Variants in CSAD observed in about 807,000 individuals in gnomAD.
CSAD encodes cysteine sulfinic acid decarboxylase.
CSAD carries 47 observed loss-of-function variants against 61.5 expected under a neutral mutation model. The ratio of observed to expected loss-of-function variants is 0.76; its 90% CI spans 0.60 to 0.97. The LOEUF (loss-of-function observed/expected upper bound fraction) is 0.97, where lower values mean the gene tolerates loss of function less well. CSAD is among the 50% of genes least tolerant of loss of function. CSAD has a pLI of 0.00. For missense variants in CSAD, 611 were observed against 643.6 expected (o/e 0.95, Z 0.55); for synonymous variants, 245 against 252.7 (o/e 0.97, Z 0.29).
intron 16 of CSAD, among the ~76,000 whole-genome samples, chr12:53,159,216 A>G (rs1032137639): frequency 1.3e-5 from 2 of 152,094 alleles, no homozygotes; most frequent in African/African-American, 4.8e-5. Context: ...GTACCACTCT[A>G]TCTTTAGGGA....
intron 2 of CSAD, among the ~76,000 whole-genome samples, chr12:53,177,669 G>C (rs924695716): frequency 6.6e-6 from 1 of 151,776 alleles, no homozygotes. Context: ...ACAGAGTTTC[G>C]CTCTTGTTGC....
At position 53,170,452 on chromosome 12, in the gene CSAD, G is replaced by A. The variant is rs1048218224; in HGVS notation, c.618C>T (p.Asp206=). The A allele has an allele frequency of 5.6e-6, 9 of 1,614,196 alleles. No individual in the cohort carries two copies. The African/African-American group carries it at 9.3e-5, about 17-fold the overall frequency. The change falls in exon 9 of 17, where the codon GAC becomes GAT. Residue 206 remains aspartate (D), a synonymous_variant. Transcript: ENST00000444623. ...CATCAGCCTTGACCACTCGGACACT[G>A]TCGGTGCCAAGTCCCAGAAACGCAG... ...KGAAFLGLGT[D]SVRVVKADER...
chr12:53,178,964 C>T (rs549443289), intron 2 of CSAD, 138 bp downstream of exon 2: 1 of 152,326 alleles, frequency 6.6e-6, no homozygotes, highest in Non-Finnish European at 1.5e-5. Flanking sequence ...AGTGATTCTC[C>T]TGACTCAGCC....
intron 1 of CSAD, chr12:53,180,072 G>A: frequency 2.9e-6 from 4 of 1,398,262 alleles, no homozygotes; most frequent in Non-Finnish European, 1.9e-6. Flanking sequence ...GATTCGCAGA[G>A]GAGGGCTGGG....
At chr12:53,164,886 C>T (rs1939713243) in intron 10 of CSAD, 1 of 152,078 alleles carries the variant, frequency 6.6e-6, no homozygotes, top group South Asian at 2.1e-4. Context: ...AAGGATCTGA[C>T]TAGACTTTTT....
rs182687476 is a variant in CSAD, at chr12:53,158,371, A to G, written c.*140T>C. ...GGCTGGTCTCGAACTCCTGACCTCA[A>G]GTGATCCACCCGCCTCGGCCTCCCA... On this transcript the variant is annotated 3_prime_UTR_variant, in exon 17 of 17. Coordinates refer to ENST00000444623, the MANE Select transcript of CSAD (RefSeq NM_001244705.2). 5.5e-4 allele frequency: 420 copies of G among 763,914 alleles called. 1 individual carries two copies. The African/African-American group carries it at 6.6e-3, about 12-fold the overall frequency. The allele number at this position is 763,914 out of a possible 1,614,324, so 47.3% of individuals were successfully genotyped here. A position where few individuals can be genotyped will look rare whatever the true frequency, so the allele number is the denominator to read the frequency against.
At chr12:53,178,190 C>G (rs1022189589) in intron 2 of CSAD, among the ~76,000 whole-genome samples, 1 of 152,026 alleles carries the variant, frequency 6.6e-6, no homozygotes. Flanking sequence ...TTTACATATC[C>G]GGCCAGGCAT....
rs540242887 is a variant in CSAD, at chr12:53,158,297, G to A, written c.*214C>T. The A allele has an allele frequency of 7.7e-6, 3 of 391,260 alleles. No individual in the cohort carries two copies. The highest frequency in any genetic ancestry group is 4.2e-5 in the Admixed American group (1 of 24,044). The allele number at this position is 391,260 out of a possible 1,614,324, so 24.2% of individuals were successfully genotyped here. A position where few individuals can be genotyped will look rare whatever the true frequency, so the allele number is the denominator to read the frequency against. On this transcript the variant is annotated 3_prime_UTR_variant, in exon 17 of 17. Coordinates refer to ENST00000444623, the MANE Select transcript of CSAD (RefSeq NM_001244705.2). The stretch of plus-strand genomic sequence containing the variant: ...TTTACAGGCACAGGCCACCATGCTC[G>A]GCTAATTTTTGTATTTTTAGTAGAG...
Position 53,173,355 on chromosome 12 carries a change from A to T in CSAD, c.116T>A (p.Val39Asp). 1 of 1,614,152 alleles carries T rather than the reference A, an allele frequency of 6.2e-7. No homozygotes were observed. The highest frequency in any genetic ancestry group is 8.5e-7 in the Non-Finnish European group (1 of 1,179,996). The change falls in exon 4 of 17, where the codon GTC becomes GAC. Residue 39 changes from valine (V) to aspartate (D), a missense_variant. Coordinates refer to ENST00000444623, the MANE Select transcript of CSAD (RefSeq NM_001244705.2). ...GAAGAAAGGACTCACCTTCTGGGAG[A>T]CACTGGTTCCTTTCTGAATGGCCTC... ...VDEAIQKGTS[V>D]SQKVCEWKEP...
intron 4 of CSAD, 131 bp downstream of exon 4, chr12:53,173,214 A>C: frequency 1.1e-6 from 1 of 874,800 alleles, no homozygotes; most frequent in East Asian, 2.7e-5. Flanking sequence ...TCAAGAAAGA[A>C]AGGAAGAAAG....
chr12:53,172,448 G>A lies in CSAD; in HGVS notation c.254-12C>T, dbSNP rs1010857610. The A allele has an allele frequency of 6.2e-7, 1 of 1,614,120 alleles. No homozygotes were observed. Among genetic ancestry groups the A allele is most frequent in the Non-Finnish European group, 8.5e-7 (1 of 1,179,990 alleles). On this transcript the variant is annotated splice_polypyrimidine_tract_variant and intron_variant, in intron 5 of 16. Coordinates refer to ENST00000444623, the MANE Select transcript of CSAD (RefSeq NM_001244705.2). ...GAACCGAGGGTGACCTGGAGAAGGA[G>A]AGTAAGCCAGGGAGCTCAGAGTAGA...
At chr12:53,170,718 G>GT in intron 8 of CSAD, 10 of 505,862 alleles carry the variant, frequency 2.0e-5, no homozygotes, top group Non-Finnish European at 2.8e-5. Flanking sequence ...TTCTGCATTT[G>GT]TTTGTTTTTT....
intron 8 of CSAD, 104 bp downstream of exon 8, chr12:53,171,222 T>C (rs2121512868): frequency 1.3e-6 from 2 of 1,558,906 alleles, no homozygotes; most frequent in East Asian, 2.3e-5. Context: ...CAGGCTGGCC[T>C]TGGAGGATGT....
chr12:53,173,598 G>A (rs1238807587), intron 3 of CSAD, 122 bp from the exon 4 acceptor site: 7 of 1,559,198 alleles, frequency 4.5e-6, no homozygotes, highest in Non-Finnish European at 6.2e-6. Flanking sequence ...TCGGCCTCCA[G>A]TGCACAGACA....
chr12:53,176,094 T>A (rs898422012), intron 2 of CSAD, among the ~76,000 whole-genome samples: 1 of 145,248 alleles, frequency 6.9e-6, no homozygotes, highest in Non-Finnish European at 1.5e-5. Flanking sequence ...TATACAACCA[T>A]AAGAATACAA....
In CSAD at chr12:53,172,665, G is replaced by A; in HGVS notation, c.127-17C>T. 6.3e-7 allele frequency: 1 copy of A among 1,597,090 alleles called. No individual in the cohort carries two copies. The highest frequency in any genetic ancestry group is 8.5e-7 in the Non-Finnish European group (1 of 1,174,120). On this transcript the variant is annotated splice_polypyrimidine_tract_variant and intron_variant, in intron 4 of 16. Transcript: ENST00000444623. ...CTCACAGACCTAGGAAGAGAGCCGG[G>A]GATGCTGGGGGCCTGGGATGCCTGT... is the stretch of plus-strand genomic sequence containing the variant.
At chr12:53,174,286 C>T (rs1405216950) in intron 2 of CSAD, among the ~76,000 whole-genome samples, 5 of 138,838 alleles carry the variant, frequency 3.6e-5, no homozygotes, top group East Asian at 2.1e-4. Context: ...CCAGCCTAGG[C>T]GACAGAGCGA....
In CSAD at chr12:53,179,877, G is replaced by A. The variant is rs536579185; in HGVS notation, c.-90-735C>T. The A allele has an allele frequency of 4.2e-5, 67 of 1,610,286 alleles. No individual in the cohort carries two copies. In the Admixed American group the frequency reaches 5.7e-4, roughly 14 times the overall value. On this transcript the variant is annotated intron_variant, in intron 1 of 16. Coordinates refer to ENST00000444623, the MANE Select transcript of CSAD (RefSeq NM_001244705.2). Reference sequence around the variant, plus strand: ...TCTCTCTAATGGCTAAGGCTAGGCAGAAGAATTTGAAGACAGTCTGGTTTC... The same window carrying A: ...TCTCTCTAATGGCTAAGGCTAGGCAAAAGAATTTGAAGACAGTCTGGTTTC...
chr12:53,180,768 G>T lies in CSAD; in HGVS notation c.-127C>A. On this transcript the variant is annotated 5_prime_UTR_variant, in exon 1 of 17. Transcript: ENST00000444623. Reference sequence around the variant, plus strand: ...TGGGGGCAGCCGCGGCGGTGGGGTTGGCAGGGTGTGCTGGGGCCTGGAGGA... The same window carrying T: ...TGGGGGCAGCCGCGGCGGTGGGGTTTGCAGGGTGTGCTGGGGCCTGGAGGA... 7.9e-7 allele frequency: 1 copy of T among 1,273,152 alleles called. No individual in the cohort carries two copies. The highest frequency in any genetic ancestry group is 1.3e-5 in the South Asian group (1 of 79,244). 78.9% of individuals were successfully genotyped at this position (1,273,152 alleles called of 1,614,324 possible). A position where few individuals can be genotyped will look rare whatever the true frequency, so the allele number is the denominator to read the frequency against.
Sources: allele counts gnomAD v4.1 joint callset (sites outside exome capture counted in the v4.1 genomes callset), GRCh38; gene constraint gnomAD v4.1.1; transcripts MANE v1.5; gene names NCBI Gene and HGNC (gene_info 2026-07-23, HGNC 2026-07-21).